Variants in CFI observed in about 807,000 individuals in gnomAD.
CFI encodes the protein complement factor I, also known as C3B/C4B inactivator.
Under a neutral mutation model 78.8 loss-of-function variants are expected in CFI, and 66 were observed. That is an observed-to-expected ratio of 0.84 (90% CI 0.69 to 1.03). The LOEUF is 1.03. Ranked by LOEUF, CFI falls within the 50% of genes least tolerant of loss-of-function variation. The probability of loss-of-function intolerance (pLI) is 0.00; values close to 1 mark genes in which losing one functional copy is unlikely to be tolerated. For synonymous variants in CFI, 250 were observed against 232.6 expected, an observed-to-expected ratio of 1.07 and a Z score of -0.68; for missense variants, 706 against 704.5, an observed-to-expected ratio of 1.00 and a Z score of -0.02.
At chr4:109,756,977 G>GAAAGAAAT (rs1380821599) in intron 7 of CFI, among the ~76,000 whole-genome samples, 56 of 141,106 alleles carry the variant, frequency 4.0e-4, no homozygotes, top group East Asian at 1.5e-3. Context: ...AAGAAAGAAA[G>GAAAGAAAT]AAATTCTGAG....
At chr4:109,766,891 T>C in intron 1 of CFI, 67 bp from the exon 2 acceptor site, 1 of 1,552,026 alleles carries the variant, frequency 6.4e-7, no homozygotes. Flanking sequence ...GATGAGTAAG[T>C]GAAGGAAAAG....
intron 1 of CFI, among the ~76,000 whole-genome samples, chr4:109,782,443 A>AAAAATACTT (rs1730173443): frequency 6.6e-6 from 1 of 151,574 alleles, no homozygotes; most frequent in Admixed American, 6.6e-5. Flanking sequence ...AAAAAAAAAA[A>AAAAATACTT]AATACTTAGG....
At chr4:109,778,844 C>T (rs554381632) in intron 1 of CFI, among the ~76,000 whole-genome samples, 10 of 152,216 alleles carry the variant, frequency 6.6e-5, no homozygotes, top group South Asian at 2.1e-4. Flanking sequence ...AATCAATAAA[C>T]GTAATCCATC....
intron 1 of CFI, among the ~76,000 whole-genome samples, chr4:109,791,388 G>T (rs1000963447): frequency 6.6e-6 from 1 of 151,454 alleles, no homozygotes; most frequent in African/African-American, 2.4e-5. Flanking sequence ...CCCATCCGTA[G>T]GGTGTCTGTT....
chr4:109,750,035 T>C lies in CFI; in HGVS notation c.941-433A>G, dbSNP rs548320427. 1.1e-4 allele frequency among the ~76,000 whole-genome samples: 17 copies of C among 152,150 alleles called. No individual in the cohort carries two copies. The South Asian group carries it at 3.5e-3, about 32-fold the overall frequency. The stretch of plus-strand genomic sequence containing the variant: ...TTTTTGAGATGGAGTCTCAGTCTTG[T>C]GCCCAGGCTGGAGTGCAATGGCACG... On this transcript the variant is annotated intron_variant, in intron 8 of 12. Coordinates refer to ENST00000394634, the MANE Select transcript of CFI (RefSeq NM_000204.5).
intron 10 of CFI, among the ~76,000 whole-genome samples, chr4:109,746,778 T>C (rs924784905): frequency 6.6e-6 from 1 of 152,170 alleles, no homozygotes; most frequent in Non-Finnish European, 1.5e-5. Flanking sequence ...TGGAATGAGT[T>C]TGCTGCCTCT....
At chr4:109,766,532 T>C (rs750416489) in intron 2 of CFI, 22 bp downstream of exon 2, 1 of 1,613,552 alleles carries the variant, frequency 6.2e-7, no homozygotes, top group Non-Finnish European at 8.5e-7. Context: ...ATAGAATGAC[T>C]TGAAAACTAG....
chr4:109,756,970 A>AAAGG lies in CFI; in HGVS notation c.904+792_904+793insCCTT, dbSNP rs1561298124. Among the ~76,000 whole-genome samples the AAAGG allele has an allele frequency of 1.3e-4, 18 of 139,762 alleles. 1 individual carries two copies. Among genetic ancestry groups the AAAGG allele is most frequent in the African/African-American group, 4.8e-4 (18 of 37,774 alleles). 91.7% of individuals were successfully genotyped at this position (139,762 alleles called of 152,430 possible). A position where few individuals can be genotyped will look rare whatever the true frequency, so the allele number is the denominator to read the frequency against. On this transcript the variant is annotated intron_variant, in intron 7 of 12. Coordinates refer to ENST00000394634, the MANE Select transcript of CFI (RefSeq NM_000204.5). ...GAAAGAAAGAAAGAAAGAAAGAAAG[A>AAAGG]AAGAAAGAAATTCTGAGGAGGATCA...
At chr4:109,769,394 C>G (rs908647924) in intron 1 of CFI, among the ~76,000 whole-genome samples, 1 of 152,202 alleles carries the variant, frequency 6.6e-6, no homozygotes, top group African/African-American at 2.4e-5. Flanking sequence ...TCTCCTTCCT[C>G]TCAGCTCAGA....
At chr4:109,797,574 T>C (rs11730651) in intron 1 of CFI, among the ~76,000 whole-genome samples, 64,768 of 151,930 alleles carry the variant, frequency 0.43, 14,936 homozygotes, top group African/African-American at 0.58. Flanking sequence ...AACAGACAAG[T>C]GGGACTACCT....
chr4:109,789,980 T>C (rs888420470), intron 1 of CFI, among the ~76,000 whole-genome samples: 11 of 152,076 alleles, frequency 7.2e-5, no homozygotes, highest in African/African-American at 2.7e-4. Context: ...AATTACTGAT[T>C]TAATACTTTT....
chr4:109,785,153 C>T (rs1730583271), intron 1 of CFI, among the ~76,000 whole-genome samples: 1 of 152,116 alleles, frequency 6.6e-6, no homozygotes, highest in Admixed American at 6.6e-5. Context: ...TCTCACCACC[C>T]TTTGCTGACT....
chr4:109,755,320 T>A (rs1011718679), intron 7 of CFI, among the ~76,000 whole-genome samples: 1 of 152,172 alleles, frequency 6.6e-6, no homozygotes, highest in African/African-American at 2.4e-5. Flanking sequence ...AAGTAAGGAC[T>A]GGTATATAAC....
At chr4:109,767,452 C>T (rs992176816) in intron 1 of CFI, among the ~76,000 whole-genome samples, 9 of 151,646 alleles carry the variant, frequency 5.9e-5, no homozygotes, top group Non-Finnish European at 1.3e-4. Flanking sequence ...ACAAACAACC[C>T]CATCAAAAAG....
At chr4:109,799,408 C>A (rs1156919698) in intron 1 of CFI, among the ~76,000 whole-genome samples, 1 of 152,208 alleles carries the variant, frequency 6.6e-6, no homozygotes, top group Admixed American at 6.5e-5. Flanking sequence ...AAGGTCTTCT[C>A]TGTTCTTTCC....
rs750561676 is a variant in CFI, at chr4:109,760,557, A to G, written c.738T>C (p.Asp246=). 11 of 1,609,050 alleles carry G rather than the reference A, an allele frequency of 6.8e-6. No individual in the cohort carries two copies. In the African/African-American group the frequency reaches 1.5e-4, roughly 22 times the overall value. Residue 246 remains aspartate, a synonymous_variant, in exon 5 of 13, where the codon GAT becomes GAC. Transcript: ENST00000394634. ...ACAGTTCATCACTTTGGTCTCCACA[A>G]TCATTGATACCATCACAGGCTTTCA... The part of the protein sequence containing the change: ...SQMKACDGIN[D]CGDQSDELCC...
intron 8 of CFI, among the ~76,000 whole-genome samples, chr4:109,751,568 A>G (rs1225877739): frequency 6.7e-6 from 1 of 149,480 alleles, no homozygotes; most frequent in East Asian, 2.0e-4. Context: ...CAGCCTCCTG[A>G]GCACCTGGGA....
the CFI span, among the ~76,000 whole-genome samples, chr4:109,733,146 T>A: frequency 6.6e-6 from 1 of 152,078 alleles, no homozygotes; most frequent in East Asian, 1.9e-4. Flanking sequence ...TAATTTTTTG[T>A]ATTTTTAGTA....
At chr4:109,768,323 T>A (rs1244650748) in intron 1 of CFI, among the ~76,000 whole-genome samples, 12 of 81,390 alleles carry the variant, frequency 1.5e-4, no homozygotes, top group Admixed American at 3.2e-4. Context: ...ATCTTGACCA[T>A]GAAGAAATCC....
Sources: allele counts gnomAD v4.1 joint callset (sites outside exome capture counted in the v4.1 genomes callset), GRCh38; gene constraint gnomAD v4.1.1; transcripts MANE v1.5; gene names NCBI Gene and HGNC (gene_info 2026-07-23, HGNC 2026-07-21).